Variants in DPH1 observed in about 807,000 individuals in gnomAD.
DPH1 encodes the protein diphthamide biosynthesis 1.
A neutral mutation model predicts 55.3 loss-of-function variants in DPH1; 59 were observed. The observed-to-expected ratio is 1.07, with a 90% CI of 0.87 to 1.33. The LOEUF is 1.33. Ranked by LOEUF, DPH1 falls within the 40% of genes most tolerant of loss-of-function variation. The pLI is 0.00. For synonymous variants in DPH1, 238 were observed against 235.5 expected (o/e 1.01, Z -0.10); for missense variants, 628 against 584.8 (o/e 1.07, Z -0.76).
chr17:2,031,153 G>T (rs777825013), intron 1 of DPH1, among the ~76,000 whole-genome samples: 8 of 152,234 alleles, frequency 5.3e-5, no homozygotes, highest in Non-Finnish European at 1.2e-4. Context: ...GGGCATAGTG[G>T]CTTACACCTT....
chr17:2,030,578 G>C (rs559345867), intron 1 of DPH1, among the ~76,000 whole-genome samples: 1 of 152,348 alleles, frequency 6.6e-6, no homozygotes, highest in African/African-American at 2.4e-5. Flanking sequence ...AATGCTTTCA[G>C]GGAAGAGGCA....
intron 1 of DPH1, among the ~76,000 whole-genome samples, chr17:2,031,515 T>C (rs2067331281): frequency 6.9e-6 from 1 of 144,544 alleles, no homozygotes; most frequent in Non-Finnish European, 1.5e-5. Flanking sequence ...TGAGCCGAGA[T>C]TGCACCACTG....
rs757035104 is a variant in DPH1 at position 2,033,510 on chromosome 17, GC to G, written c.71del (p.Pro24LeufsTer14). Reference protein sequence around the residue: ...GGRDGPGRGRAPRGRVANQIP... With the variant: ...GGRDGPGRGRXPRGRVANQIP... The stretch of plus-strand genomic sequence containing the variant: ...AGGCCTTATATCCATTCTAGGTCGG[GC>G]CCCTCGGGGCCGCGTGGCCAATCAG... On this transcript the variant is annotated frameshift_variant, in exon 2 of 13. Coordinates refer to ENST00000263083, the MANE Select transcript of DPH1 (RefSeq NM_001383.6). LOFTEE classifies it high-confidence loss of function. 5.0e-6 allele frequency: 8 copies of G among 1,613,904 alleles called. No homozygotes were observed. The highest frequency in any genetic ancestry group is 6.8e-6 in the Non-Finnish European group (8 of 1,180,038).
chr17:2,032,613 G>C (rs1434152166), intron 1 of DPH1, among the ~76,000 whole-genome samples: 1 of 152,190 alleles, frequency 6.6e-6, no homozygotes, highest in African/African-American at 2.4e-5. Flanking sequence ...CAAAGCAAAA[G>C]CCAAACACTG....
chr17:2,030,292 G>C (rs2067313542), intron 1 of DPH1, 62 bp downstream of exon 1: 2 of 1,512,438 alleles, frequency 1.3e-6, no homozygotes, highest in Non-Finnish European at 1.8e-6. Flanking sequence ...CCCAAGTTAG[G>C]GACAGGACCA....
rs746903862 is a variant in DPH1 at position 2,041,453 on chromosome 17, G to GT, written c.1087-26dup. ...CAGGGGCAGAAAAACACTGGCAGATGTTATTGTCCCTCCCTCCCCTCCCCT... is the reference window on the plus strand; with the variant it reads ...CAGGGGCAGAAAAACACTGGCAGATGTTTATTGTCCCTCCCTCCCCTCCCCT... On this transcript the variant is annotated intron_variant, in intron 10 of 12. Transcript: ENST00000263083. The GT allele has an allele frequency of 3.8e-6, 6 of 1,581,356 alleles. No homozygotes were observed. In the Admixed American group the frequency reaches 9.1e-5, roughly 24 times the overall value.
intron 9 of DPH1, 54 bp downstream of exon 9, chr17:2,040,659 C>G: frequency 6.3e-7 from 1 of 1,583,132 alleles, no homozygotes; most frequent in South Asian, 1.1e-5. Flanking sequence ...CTGGGTCTTG[C>G]CCAGCTCGTC....
intron 3 of DPH1, among the ~76,000 whole-genome samples, chr17:2,034,516 C>CTCCCCTGCTCCCCCA (rs2067378189): frequency 1.8e-5 from 2 of 114,192 alleles, no homozygotes; most frequent in Non-Finnish European, 3.7e-5. Context: ...CCCCATCCCC[C>CTCCCCTGCTCCCCCA]TCCCCTGCTC....
At chr17:2,042,060 C>A (rs145234879) in intron 12 of DPH1, 185 bp downstream of exon 12, 26,160 of 1,536,832 alleles carry the variant, frequency 0.017, 259 homozygotes, top group Non-Finnish European at 0.019. Flanking sequence ...GGCCGCGCAG[C>A]GACCCCTGCG....
chr17:2,036,509 T>C lies in DPH1; in HGVS notation c.401-20T>C, dbSNP rs1237781028. Reference sequence around the variant, plus strand: ...TGCTCCTGCCTTCCCAAACAGCCCCTGAACTCCTCCCTCCCACAGTTCCCA... The same window carrying C: ...TGCTCCTGCCTTCCCAAACAGCCCCCGAACTCCTCCCTCCCACAGTTCCCA... On this transcript the variant is annotated intron_variant, in intron 4 of 12. Transcript: ENST00000263083. This position sits in a 1 kb window ranked among gnomAD's most constrained non-coding sequence, Gnocchi z 4.8. 25 of 1,613,022 alleles carry C rather than the reference T, an allele frequency of 1.5e-5. No individual in the cohort carries two copies. Among genetic ancestry groups the C allele is most frequent in the Non-Finnish European group, 2.0e-5 (23 of 1,179,326 alleles).
At chr17:2,042,114 C>A (rs1181039559) in intron 12 of DPH1, 1 of 1,566,390 alleles carries the variant, frequency 6.4e-7, no homozygotes, top group Non-Finnish European at 8.6e-7. Context: ...GCGGGGCTTC[C>A]GTGAGAAGAC....
chr17:2,036,639 A>G lies in DPH1; in HGVS notation c.511A>G (p.Thr171Ala). 1 of 1,613,912 alleles carries G rather than the reference A, an allele frequency of 6.2e-7. No individual in the cohort carries two copies. ...DSLRLTFPPA[T>A]ALALVSTIQF... is the part of the protein sequence containing the mutation. The stretch of plus-strand genomic sequence containing the variant: ...TCTCCGCCTCACCTTTCCCCCAGCC[A>G]CTGCCCTTGCCCTGGTCAGCACCAT... The change falls in exon 5 of 13, where the codon ACT becomes GCT. Residue 171 changes from threonine (T) to alanine (A), a missense_variant. Physicochemically the swap from Thr to Ala is moderately conservative, Grantham distance 58. Coordinates refer to ENST00000263083, the MANE Select transcript of DPH1 (RefSeq NM_001383.6). The surrounding 1 kb of genome is among the most constrained non-coding windows in gnomAD (Gnocchi z 4.8).
At position 2,041,860 on chromosome 17, in the gene DPH1, C is replaced by T. The variant is rs372355667; in HGVS notation, c.*3C>T. On this transcript the variant is annotated 3_prime_UTR_variant, in exon 12 of 13. Coordinates refer to ENST00000263083, the MANE Select transcript of DPH1 (RefSeq NM_001383.6). ...AGGTGGCGCCGCTGGCTCCTTGACG[C>T]GCTCCCGGGCCTCAGGTATCAGCCC... 1.5e-5 allele frequency: 24 copies of T among 1,589,034 alleles called. No individual in the cohort carries two copies. Among genetic ancestry groups the T allele is most frequent in the Non-Finnish European group, 2.1e-5 (24 of 1,170,710 alleles).
rs1463836732 is a variant in DPH1 at position 2,036,636 on chromosome 17, GCCACTGC to G, written c.511_517del (p.Thr171LeufsTer20). The G allele has an allele frequency of 3.1e-6, 5 of 1,614,120 alleles. No homozygotes were observed. In the South Asian group the frequency reaches 5.5e-5, roughly 18 times the overall value. ...CTCTCTCCGCCTCACCTTTCCCCCA[GCCACTGC>G]CCTTGCCCTGGTCAGCACCATTCAG... On this transcript the variant is annotated frameshift_variant, in exon 5 of 13. Coordinates refer to ENST00000263083, the MANE Select transcript of DPH1 (RefSeq NM_001383.6). LOFTEE classifies it high-confidence loss of function. The surrounding 1 kb of genome is among the most constrained non-coding windows in gnomAD (Gnocchi z 4.8).
Position 2,036,443 on chromosome 17 carries a change from G to A in DPH1, c.401-86G>A, listed in dbSNP as rs545465418. 36 of 1,541,244 alleles carry A rather than the reference G, an allele frequency of 2.3e-5. No individual in the cohort carries two copies. Among genetic ancestry groups the A allele is most frequent in the Middle Eastern group, 1.7e-4 (1 of 5,796 alleles). ...TTTACCCCCAGGCTGAAGCCACTGC[G>A]CCTGGCTGCTCAGAGACCTGAGCCT... On this transcript the variant is annotated intron_variant, in intron 4 of 12. Coordinates refer to ENST00000263083, the MANE Select transcript of DPH1 (RefSeq NM_001383.6). This position sits in a 1 kb window ranked among gnomAD's most constrained non-coding sequence, Gnocchi z 4.8.
intron 1 of DPH1, among the ~76,000 whole-genome samples, chr17:2,032,385 T>G (rs1261486845): frequency 1.3e-5 from 2 of 152,218 alleles, no homozygotes; most frequent in Admixed American, 1.3e-4. Context: ...CATATTCTAT[T>G]CATGGGCTCA....
chr17:2,040,451 T>G, intron 8 of DPH1, 54 bp from the exon 9 acceptor site: 1 of 1,613,804 alleles, frequency 6.2e-7, no homozygotes, highest in Non-Finnish European at 8.5e-7. Flanking sequence ...GGCCACAGGT[T>G]CAGCTTTGGC....
At chr17:2,042,380 T>C in intron 12 of DPH1, 1 of 1,288,148 alleles carries the variant, frequency 7.8e-7, no homozygotes, top group Non-Finnish European at 1.0e-6. Flanking sequence ...ATACCCTCTT[T>C]GCTCAAACTG....
rs1008341463 is a variant in DPH1 at position 2,040,078 on chromosome 17, G to A, written c.750-140G>A. On this transcript the variant is annotated intron_variant, in intron 7 of 12. Transcript: ENST00000263083. ...TGTGGGACAGGTCTTCCTAATGACA[G>A]TCCCCGCTCTTGCCTCTGTTCTTAA... 4.4e-5 allele frequency: 56 copies of A among 1,271,094 alleles called. No individual in the cohort carries two copies. In the African/African-American group the frequency reaches 7.9e-4, roughly 18 times the overall value. 78.7% of individuals were successfully genotyped at this position (1,271,094 alleles called of 1,614,324 possible). A position where few individuals can be genotyped will look rare whatever the true frequency, so the allele number is the denominator to read the frequency against.
Sources: gnomAD v4.1 joint callset for allele counts (sites outside exome capture counted in the v4.1 genomes callset) on GRCh38, gnomAD v4.1.1 for gene constraint, Gnocchi (gnomAD v3.1) non-coding constraint, MANE v1.5 for transcripts, NCBI Gene and HGNC (gene_info 2026-07-23, HGNC 2026-07-21) for gene names.